The following SPESP1 variants were observed in gnomAD, a reference collection of about 807,000 sequenced individuals.
SPESP1 encodes the protein equatorial segment protein.
SPESP1 carries 1 observed loss-of-function variant against 3.1 expected under a neutral mutation model. The observed-to-expected ratio is 0.33, with a 90% CI of 0.12 to 1.54. The LOEUF is 1.54. SPESP1 is among the 40% of genes most tolerant of loss of function. SPESP1 has a pLI of 0.38. For missense variants in SPESP1, 398 were observed against 410.1 expected (o/e 0.97, Z 0.26); for synonymous variants, 138 against 150.7 (o/e 0.92, Z 0.62).
chr15:68,944,674 C>T (rs893007762), intron 1 of SPESP1, among the ~76,000 whole-genome samples: 11 of 152,100 alleles, frequency 7.2e-5, no homozygotes, highest in Admixed American at 5.2e-4. Flanking sequence ...GTATTTTCAG[C>T]TTTGCAGGCC....
At position 68,945,667 on chromosome 15, in the gene SPESP1, C is replaced by T. The variant is rs772290412; in HGVS notation, c.133C>T (p.Arg45Ter). The T allele has an allele frequency of 1.1e-5, 17 of 1,612,604 alleles. No homozygotes were observed. Among genetic ancestry groups the T allele is most frequent in the Middle Eastern group, 1.7e-4 (1 of 6,050 alleles). ...HYIQVLENLV[R>*]SVPSGEPGRE... is the part of the protein sequence containing the mutation. ...TATACAAGTTTTAGAGAACCTAGTA[C>T]GAAGTGTTCCCTCTGGGGAGCCAGG... The change falls in exon 2 of 2, where the codon CGA becomes TGA. Residue 45 changes from arginine to a stop codon, truncating the protein, a stop_gained. Coordinates refer to ENST00000310673, the MANE Select transcript of SPESP1 (RefSeq NM_145658.4). LOFTEE classifies it low-confidence loss of function (END_TRUNC).
At chr15:68,939,750 A>G (rs1895770363) in intron 1 of SPESP1, 1 of 152,192 alleles carries the variant, frequency 6.6e-6, no homozygotes, top group Non-Finnish European at 1.5e-5. Context: ...CTGAGTAACA[A>G]TAGAAGGGGA....
In SPESP1 at chr15:68,945,645, A is replaced by G. The variant is rs369635230; in HGVS notation, c.111A>G (p.Ile37Met). The G allele has an allele frequency of 1.3e-6, 2 of 1,598,404 alleles. No individual in the cohort carries two copies. The highest frequency in any genetic ancestry group is 1.7e-6 in the Non-Finnish European group (2 of 1,176,114). ...PDEEQNLNHY[I>M]QVLENLVRSV... Reference sequence around the variant, plus strand: ...AAGAGCAAAACTTGAATCATTATATACAAGTTTTAGAGAACCTAGTACGAA... The same window carrying G: ...AAGAGCAAAACTTGAATCATTATATGCAAGTTTTAGAGAACCTAGTACGAA... Residue 37 changes from isoleucine to methionine, a missense_variant, in exon 2 of 2, where the codon ATA becomes ATG. Ile to Met is a conservative substitution (Grantham distance 10). Transcript: ENST00000310673.
chr15:68,938,505 T>C (rs1895738772), intron 1 of SPESP1, among the ~76,000 whole-genome samples: 1 of 152,180 alleles, frequency 6.6e-6, no homozygotes. Context: ...CATTTGATGA[T>C]AGAACAAAAT....
At position 68,946,484 on chromosome 15, in the gene SPESP1, AATGT is replaced by A. The variant is rs1448373584; in HGVS notation, c.951_954del (p.Cys318PhefsTer5). The A allele has an allele frequency of 6.2e-7, 1 of 1,613,404 alleles. No homozygotes were observed. Among genetic ancestry groups the A allele is most frequent in the Non-Finnish European group, 8.5e-7 (1 of 1,179,916 alleles). ...AAACTCTATGAATATTTAGATATTA[AATGT>A]GTTCCACCAGAGATGAGAGAAAAAG... On this transcript the variant is annotated frameshift_variant, in exon 2 of 2. Coordinates refer to ENST00000310673, the MANE Select transcript of SPESP1 (RefSeq NM_145658.4). LOFTEE classifies it low-confidence loss of function (END_TRUNC).
At chr15:68,940,049 TTAAA>T (rs1595719547) in intron 1 of SPESP1, among the ~76,000 whole-genome samples, 2 of 152,184 alleles carry the variant, frequency 1.3e-5, no homozygotes, top group Non-Finnish European at 2.9e-5. Flanking sequence ...ACGGAAAAAT[TTAAA>T]TATGTACACA....
chr15:68,930,806 C>T, intron 1 of SPESP1, 89 bp downstream of exon 1: 1 of 1,591,954 alleles, frequency 6.3e-7, no homozygotes. Context: ...GCCCTTCCTT[C>T]TCCCTGGTCC....
intron 1 of SPESP1, among the ~76,000 whole-genome samples, chr15:68,944,390 GC>G (rs2140428521): frequency 6.8e-6 from 1 of 147,716 alleles, no homozygotes; most frequent in Admixed American, 6.8e-5. Context: ...TTAGATAGAC[GC>G]CCCAACAATA....
At chr15:68,932,305 T>C (rs1176181700) in intron 1 of SPESP1, among the ~76,000 whole-genome samples, 2 of 152,124 alleles carry the variant, frequency 1.3e-5, no homozygotes, top group East Asian at 1.9e-4. Context: ...GACTGCTAGG[T>C]AGGAGTCCCT....
At position 68,945,767 on chromosome 15, in the gene SPESP1, T is replaced by A. The variant is rs1206635509; in HGVS notation, c.233T>A (p.Val78Asp). ...ASKGSKFKEL[V>D]THGDASTEND... Reference sequence around the variant, plus strand: ...AAGGGATCAAAATTTAAGGAGCTAGTTACACATGGAGACGCTTCAACTGAG... The same window carrying A: ...AAGGGATCAAAATTTAAGGAGCTAGATACACATGGAGACGCTTCAACTGAG... Residue 78 changes from valine (V) to aspartate (D), a missense_variant, in exon 2 of 2, where the codon GTT (valine) becomes GAT (aspartate). Physicochemically the swap from Val to Asp is radical, Grantham distance 152 (BLOSUM62 -3). Coordinates refer to ENST00000310673, the MANE Select transcript of SPESP1 (RefSeq NM_145658.4). The A allele has an allele frequency of 6.2e-7, 1 of 1,613,800 alleles. No individual in the cohort carries two copies. The highest frequency in any genetic ancestry group is 2.2e-5 in the East Asian group (1 of 44,894).
intron 1 of SPESP1, among the ~76,000 whole-genome samples, chr15:68,938,262 G>A (rs914643650): frequency 4.6e-5 from 7 of 152,092 alleles, no homozygotes; most frequent in East Asian, 1.9e-4. Context: ...GCCACCAAGC[G>A]CAGCCTGAAA....
Position 68,945,609 on chromosome 15 carries a change from G to A in SPESP1, c.75G>A (p.Val25=). ...ATTTTTTCCCTGAAGGCATAACTGT[G>A]ACACCTGATGAAGAGCAAAACTTGA... ...SSVPAYPSIT[V]TPDEEQNLNH... The change falls in exon 2 of 2, where the codon GTG becomes GTA. Residue 25 remains valine (V), a synonymous_variant. Coordinates refer to ENST00000310673, the MANE Select transcript of SPESP1 (RefSeq NM_145658.4). 1 of 1,566,706 alleles carries A rather than the reference G, an allele frequency of 6.4e-7. No homozygotes were observed. Among genetic ancestry groups the A allele is most frequent in the South Asian group, 1.2e-5 (1 of 80,830 alleles).
chr15:68,942,383 G>GT (rs1895849251), intron 1 of SPESP1, among the ~76,000 whole-genome samples: 1 of 151,876 alleles, frequency 6.6e-6, no homozygotes, highest in Non-Finnish European at 1.5e-5. Flanking sequence ...TGTAAACATA[G>GT]TTTTACCTCT....
At chr15:68,938,088 C>T (rs1041239156) in intron 1 of SPESP1, among the ~76,000 whole-genome samples, 17 of 152,130 alleles carry the variant, frequency 1.1e-4, no homozygotes, top group Non-Finnish European at 2.4e-4. Context: ...TCAAGCGATT[C>T]TCCTGCCTCA....
At chr15:68,943,132 TTAAAGTC>T (rs1262561076) in intron 1 of SPESP1, among the ~76,000 whole-genome samples, 3 of 151,592 alleles carry the variant, frequency 2.0e-5, no homozygotes, top group African/African-American at 4.8e-5. Flanking sequence ...AACATTATAG[TTAAAGTC>T]TAAAGTCTCC....
Position 68,945,695 on chromosome 15 carries a change from G to T in SPESP1, c.161G>T (p.Arg54Leu). The stretch of plus-strand genomic sequence containing the variant: ...AGTGTTCCCTCTGGGGAGCCAGGTC[G>T]TGAGAAAAAATCTAACTCTCCAAAA... ...VRSVPSGEPG[R>L]EKKSNSPKHV... Residue 54 changes from arginine (R) to leucine (L), a missense_variant, in exon 2 of 2, where the codon CGT becomes CTT. Coordinates refer to ENST00000310673, the MANE Select transcript of SPESP1 (RefSeq NM_145658.4). 6.2e-7 allele frequency: 1 copy of T among 1,613,922 alleles called. No homozygotes were observed. The highest frequency in any genetic ancestry group is 8.5e-7 in the Non-Finnish European group (1 of 1,179,964).
chr15:68,936,415 T>C (rs1196345211), intron 1 of SPESP1, among the ~76,000 whole-genome samples: 3 of 152,198 alleles, frequency 2.0e-5, no homozygotes, highest in Admixed American at 6.5e-5. Flanking sequence ...TGCTACAACA[T>C]AGATGATCTT....
chr15:68,935,682 C>T (rs1895664703), intron 1 of SPESP1, among the ~76,000 whole-genome samples: 1 of 152,242 alleles, frequency 6.6e-6, no homozygotes. Context: ...CATAAAGTTA[C>T]ATTTCTTTAA....
chr15:68,930,824 C>T (rs1895514030), intron 1 of SPESP1, 107 bp downstream of exon 1: 1 of 1,545,516 alleles, frequency 6.5e-7, no homozygotes, highest in Non-Finnish European at 8.8e-7. Context: ...TCCTACATGC[C>T]TCCCTCCCCC....
Sources: allele counts gnomAD v4.1 joint callset (sites outside exome capture counted in the v4.1 genomes callset), GRCh38; gene constraint gnomAD v4.1.1; transcripts MANE v1.5; gene names NCBI Gene and HGNC (gene_info 2026-07-23, HGNC 2026-07-21).